The following MARCHF1 variants were observed in gnomAD, a reference collection of about 807,000 sequenced individuals.
MARCHF1 encodes membrane associated ring-CH-type finger 1, also known as E3 ubiquitin-protein ligase MARCHF1.
A neutral mutation model predicts 54.2 loss-of-function variants in MARCHF1; 40 were observed. That is an observed-to-expected ratio of 0.74 (90% CI 0.57 to 0.96). The LOEUF is 0.96. MARCHF1 is among the 40% of genes least tolerant of loss of function. The pLI, the probability that MARCHF1 is intolerant of heterozygous loss-of-function variation, is 0.00. For missense variants in MARCHF1, 586 were observed against 656.5 expected (o/e 0.89, Z 1.17); for synonymous variants, 236 against 236.3 (o/e 1.00, Z 0.01).
intron 1 of MARCHF1, among the ~76,000 whole-genome samples, chr4:164,176,972 C>CCATATATATATA (rs1553989364): frequency 1.8e-5 from 1 of 56,832 alleles, no homozygotes; most frequent in Non-Finnish European, 3.1e-5. Flanking sequence ...CTCTCTCTCT[C>CCATATATATATA]TCTCTCTCTA....
intron 4 of MARCHF1, among the ~76,000 whole-genome samples, chr4:163,834,545 G>T (rs1749123624): frequency 1.3e-5 from 2 of 151,236 alleles, no homozygotes; most frequent in Non-Finnish European, 3.0e-5. Context: ...CTGGTACACT[G>T]CACCCACTAA....
chr4:163,599,290 A>C (rs551994340), intron 7 of MARCHF1, among the ~76,000 whole-genome samples: 1,435 of 60,352 alleles, frequency 0.024, 11 homozygotes, highest in Non-Finnish European at 0.035. Flanking sequence ...ACTCCATCTC[A>C]AAAAAATTAT....
chr4:164,262,660 C>T (rs1302589210), intron 1 of MARCHF1, among the ~76,000 whole-genome samples: 1 of 152,200 alleles, frequency 6.6e-6, no homozygotes, highest in Non-Finnish European at 1.5e-5. Flanking sequence ...GAGTCACTCA[C>T]TTAAATGGTT....
intron 2 of MARCHF1, among the ~76,000 whole-genome samples, chr4:164,023,967 A>C (rs543982618): frequency 1.3e-5 from 2 of 152,350 alleles, no homozygotes; most frequent in Admixed American, 1.3e-4. Flanking sequence ...TAGCAGAATA[A>C]ACCAAGATGA....
intron 3 of MARCHF1, among the ~76,000 whole-genome samples, chr4:163,942,572 CA>C (rs1751934503): frequency 6.6e-6 from 1 of 152,190 alleles, no homozygotes; most frequent in African/African-American, 2.4e-5. Flanking sequence ...ACCTTGAATA[CA>C]CTTCTGCCTA....
At chr4:163,648,631 T>TAAAA (rs1742850048) in intron 5 of MARCHF1, among the ~76,000 whole-genome samples, 2 of 82,448 alleles carry the variant, frequency 2.4e-5, no homozygotes, top group African/African-American at 4.8e-5. Flanking sequence ...AAAAAAAAAC[T>TAAAA]AGAGAGGAAA....
chr4:164,383,617 G>A (rs1245827469), intron 1 of MARCHF1: 3 of 152,172 alleles, frequency 2.0e-5, no homozygotes, highest in Non-Finnish European at 4.4e-5. Flanking sequence ...GCGGGCTGGA[G>A]CCGCCTCCTC....
intron 1 of MARCHF1, among the ~76,000 whole-genome samples, chr4:164,341,015 G>T (rs1276780070): frequency 6.6e-6 from 1 of 151,662 alleles, no homozygotes; most frequent in Non-Finnish European, 1.5e-5. Context: ...ACAGCACAAT[G>T]TAAGCATAAT....
chr4:163,978,909 T>C (rs551315047), intron 3 of MARCHF1, among the ~76,000 whole-genome samples: 1 of 151,910 alleles, frequency 6.6e-6, no homozygotes, highest in Non-Finnish European at 1.5e-5. Flanking sequence ...GAATATTTTA[T>C]ATAGACAGGG....
At chr4:163,630,886 C>T (rs1742051942) in intron 5 of MARCHF1, among the ~76,000 whole-genome samples, 1 of 149,704 alleles carries the variant, frequency 6.7e-6, no homozygotes, top group Non-Finnish European at 1.5e-5. Flanking sequence ...AGAAGAAATG[C>T]AAGGAAAAAG....
At chr4:164,242,844 G>A (rs898274265) in intron 1 of MARCHF1, among the ~76,000 whole-genome samples, 1 of 151,208 alleles carries the variant, frequency 6.6e-6, no homozygotes, top group African/African-American at 2.4e-5. Context: ...GAAGCCTCAG[G>A]AGCCGATGCG....
intron 1 of MARCHF1, among the ~76,000 whole-genome samples, chr4:164,266,586 C>T (rs1479074917): frequency 2.0e-5 from 3 of 152,100 alleles, no homozygotes; most frequent in Admixed American, 2.0e-4. Context: ...CCACCTAGCC[C>T]TGTGATTTTT....
At chr4:164,236,028 C>G (rs546971433) in intron 1 of MARCHF1, among the ~76,000 whole-genome samples, 1 of 152,032 alleles carries the variant, frequency 6.6e-6, no homozygotes, top group Non-Finnish European at 1.5e-5. Context: ...TCTCCTGATA[C>G]GTAGGAAGCA....
chr4:163,629,974 G>A (rs79415350), intron 5 of MARCHF1, among the ~76,000 whole-genome samples: 6,735 of 152,190 alleles, frequency 0.044, 284 homozygotes, highest in South Asian at 0.1. Flanking sequence ...TCAAGTACTG[G>A]CAAGGAAGCA....
At chr4:164,084,625 C>T (rs1384363950) in intron 2 of MARCHF1, among the ~76,000 whole-genome samples, 2 of 151,792 alleles carry the variant, frequency 1.3e-5, no homozygotes, top group Non-Finnish European at 3.0e-5. Context: ...TGCTGACTCC[C>T]AATGTAAAGT....
intron 5 of MARCHF1, among the ~76,000 whole-genome samples, chr4:163,638,567 C>G (rs1260379019): frequency 1.3e-5 from 2 of 152,046 alleles, no homozygotes; most frequent in South Asian, 2.1e-4. Flanking sequence ...AAGAGTCAAT[C>G]AAATTACTTT....
intron 8 of MARCHF1, among the ~76,000 whole-genome samples, chr4:163,564,898 T>G (rs779584516): frequency 2.6e-5 from 4 of 152,120 alleles, no homozygotes; most frequent in Non-Finnish European, 5.9e-5. Flanking sequence ...GATGTCAGTT[T>G]CTGAATTCAA....
At chr4:164,202,282 G>A (rs780418146) in intron 1 of MARCHF1, among the ~76,000 whole-genome samples, 3 of 152,184 alleles carry the variant, frequency 2.0e-5, no homozygotes, top group Non-Finnish European at 2.9e-5. Context: ...GAGAGTTCCA[G>A]TCAGAGGACA....
chr4:163,814,267 G>T (rs372707557), intron 4 of MARCHF1, among the ~76,000 whole-genome samples: 3 of 152,042 alleles, frequency 2.0e-5, no homozygotes, highest in African/African-American at 7.2e-5. Context: ...TGGGGCCTTC[G>T]CAGTCTCCAT....
Sources: gnomAD v4.1 joint callset for allele counts (sites outside exome capture counted in the v4.1 genomes callset) on GRCh38, gnomAD v4.1.1 for gene constraint, MANE v1.5 for transcripts, NCBI Gene and HGNC (gene_info 2026-07-23, HGNC 2026-07-21) for gene names.